Variants in KHDRBS2 observed in about 807,000 individuals in gnomAD.
KHDRBS2 encodes KH RNA binding domain containing, signal transduction associated 2, also known as KH domain-containing, RNA-binding, signal transduction-associated protein 2.
In KHDRBS2, 26 loss-of-function variants were observed where a neutral mutation model predicts 44.3. The observed-to-expected ratio is 0.59, with a 90% CI of 0.43 to 0.81. The LOEUF is 0.81. Ranked by LOEUF, KHDRBS2 falls within the 40% of genes least tolerant of loss-of-function variation. The probability of loss-of-function intolerance (pLI) is 0.00; values close to 1 mark genes in which losing one functional copy is unlikely to be tolerated. For missense variants in KHDRBS2, 476 were observed against 433.1 expected, an observed-to-expected ratio of 1.10 and a Z score of -0.88; for synonymous variants, 194 against 151.1, an observed-to-expected ratio of 1.28 and a Z score of -2.08.
chr6:61,886,633 CA>C (rs1800996342), intron 6 of KHDRBS2, among the ~76,000 whole-genome samples: 1 of 152,026 alleles, frequency 6.6e-6, no homozygotes, highest in Non-Finnish European at 1.5e-5. Context: ...AGGTTCAATT[CA>C]AAGCACTTTA....
chr6:61,960,365 A>C (rs1188301600), intron 4 of KHDRBS2, among the ~76,000 whole-genome samples: 1 of 152,140 alleles, frequency 6.6e-6, no homozygotes, highest in East Asian at 1.9e-4. Flanking sequence ...GCAGTTACAA[A>C]TAAGAGTGTT....
At chr6:62,060,609 GTCTCTCTC>G (rs373091004) in intron 2 of KHDRBS2, among the ~76,000 whole-genome samples, 14 of 147,990 alleles carry the variant, frequency 9.5e-5, no homozygotes, top group Non-Finnish European at 1.8e-4. Flanking sequence ...CTCTCTCTCT[GTCTCTCTC>G]TCTCTCTCTC....
intron 3 of KHDRBS2, among the ~76,000 whole-genome samples, chr6:62,037,369 T>C (rs1415030960): frequency 6.6e-6 from 1 of 150,888 alleles, no homozygotes; most frequent in Non-Finnish European, 1.5e-5. Context: ...AAAACAAAAA[T>C]CTCTCACACA....
intron 4 of KHDRBS2, among the ~76,000 whole-genome samples, chr6:61,961,755 G>A (rs183817793): frequency 1.4e-3 from 220 of 152,198 alleles, no homozygotes; most frequent in African/African-American, 5.0e-3. Context: ...GGCACATGAG[G>A]TCAAAGAGAA....
At chr6:61,569,919 T>C in the KHDRBS2 span, among the ~76,000 whole-genome samples, 1 of 152,084 alleles carries the variant, frequency 6.6e-6, no homozygotes, top group African/African-American at 2.4e-5. Context: ...CAAAAGAATA[T>C]GAACAGCAGG....
intron 1 of KHDRBS2, among the ~76,000 whole-genome samples, chr6:62,203,583 T>C (rs766208064): frequency 6.6e-6 from 1 of 151,810 alleles, no homozygotes; most frequent in Non-Finnish European, 1.5e-5. Flanking sequence ...ACCAGGAGAT[T>C]TGTGTAAGAT....
At position 61,775,568 on chromosome 6, in the gene KHDRBS2, A is replaced by C. The variant is rs141442325; in HGVS notation, c.811-42804T>G. Among the ~76,000 whole-genome samples the C allele has an allele frequency of 3.7e-3, 568 of 152,042 alleles. 2 individuals carry two copies. Among genetic ancestry groups the C allele is most frequent in the African/African-American group, 0.013 (521 of 41,544 alleles). On this transcript the variant is annotated intron_variant, in intron 6 of 8. Transcript: ENST00000281156. Reference sequence around the variant, plus strand: ...TTGCTTCAAAGAGAATAAAATACTTAGGAATCCAACTTACAAGGGACGTGA... The same window carrying C: ...TTGCTTCAAAGAGAATAAAATACTTCGGAATCCAACTTACAAGGGACGTGA...
intron 6 of KHDRBS2, among the ~76,000 whole-genome samples, chr6:61,886,805 C>T (rs1801018527): frequency 6.6e-6 from 1 of 152,140 alleles, no homozygotes; most frequent in South Asian, 2.1e-4. Context: ...CTAATGCTAT[C>T]TCTCCCACTA....
At chr6:62,276,865 G>A (rs1259410491) in intron 1 of KHDRBS2, among the ~76,000 whole-genome samples, 1 of 152,114 alleles carries the variant, frequency 6.6e-6, no homozygotes, top group African/African-American at 2.4e-5. Flanking sequence ...GTGGCATCTA[G>A]GTGAAAAGGC....
At chr6:62,067,783 A>G (rs752738693) in intron 2 of KHDRBS2, among the ~76,000 whole-genome samples, 9 of 151,538 alleles carry the variant, frequency 5.9e-5, no homozygotes, top group Non-Finnish European at 1.3e-4. Flanking sequence ...CCATCTCTAT[A>G]CATTTGCTTA....
At chr6:61,749,158 G>T (rs1169776914) in intron 6 of KHDRBS2, among the ~76,000 whole-genome samples, 1 of 151,320 alleles carries the variant, frequency 6.6e-6, no homozygotes, top group South Asian at 2.1e-4. Flanking sequence ...GACTACAGGC[G>T]CCCGCCACCA....
chr6:62,117,675 C>T (rs905069497), intron 2 of KHDRBS2, among the ~76,000 whole-genome samples: 2 of 152,098 alleles, frequency 1.3e-5, no homozygotes, highest in Non-Finnish European at 2.9e-5. Context: ...CCAAAATGTG[C>T]TTTCCCAGAC....
the KHDRBS2 span, among the ~76,000 whole-genome samples, chr6:61,644,208 G>GA: frequency 2.3e-3 from 350 of 152,212 alleles, 2 homozygotes; most frequent in African/African-American, 8.2e-3. Flanking sequence ...ATGGGGAAAG[G>GA]ACTCCTGATT....
chr6:61,723,210 A>G (rs895600088), intron 7 of KHDRBS2, among the ~76,000 whole-genome samples: 1 of 151,992 alleles, frequency 6.6e-6, no homozygotes, highest in Non-Finnish European at 1.5e-5. Context: ...AACAAAAAGA[A>G]CCCACAAAAA....
At chr6:61,906,878 T>C (rs1462323389) in intron 4 of KHDRBS2, among the ~76,000 whole-genome samples, 2 of 150,790 alleles carry the variant, frequency 1.3e-5, no homozygotes, top group African/African-American at 4.9e-5. Flanking sequence ...GATATCTCTT[T>C]GATATACTAG....
chr6:61,987,034 C>T (rs1370260743), intron 3 of KHDRBS2, among the ~76,000 whole-genome samples: 1 of 152,168 alleles, frequency 6.6e-6, no homozygotes, highest in Non-Finnish European at 1.5e-5. Flanking sequence ...ACATGGATCA[C>T]ATAACATGGA....
At chr6:61,943,698 A>T (rs953954085) in intron 4 of KHDRBS2, among the ~76,000 whole-genome samples, 5 of 152,194 alleles carry the variant, frequency 3.3e-5, no homozygotes, top group African/African-American at 9.6e-5. Context: ...AGGAAACAAT[A>T]AATAGTGAAG....
the KHDRBS2 span, among the ~76,000 whole-genome samples, chr6:61,553,316 G>GT: frequency 2.0e-5 from 3 of 151,952 alleles, no homozygotes; most frequent in Non-Finnish European, 2.9e-5. Flanking sequence ...GTCTCTGAGA[G>GT]TTTTTTTGTT....
intron 2 of KHDRBS2, among the ~76,000 whole-genome samples, chr6:62,050,015 C>T (rs547517041): frequency 5.3e-5 from 8 of 152,088 alleles, no homozygotes; most frequent in Non-Finnish European, 8.8e-5. Flanking sequence ...GCACTATTTA[C>T]GATAGCAAAG....
Sources: gnomAD v4.1 joint callset for allele counts (sites outside exome capture counted in the v4.1 genomes callset) on GRCh38, gnomAD v4.1.1 for gene constraint, MANE v1.5 for transcripts, NCBI Gene and HGNC (gene_info 2026-07-23, HGNC 2026-07-21) for gene names.